TNR: variants seen among roughly 807,000 people sequenced by gnomAD.
The protein encoded by TNR is tenascin-R.
TNR carries 45 observed loss-of-function variants against 150.4 expected under a neutral mutation model. The ratio of observed to expected loss-of-function variants is 0.30; its 90% CI spans 0.24 to 0.38. The LOEUF is 0.38. TNR is among the 10% of genes least tolerant of loss of function. The probability of loss-of-function intolerance (pLI) is 1.00; values close to 1 mark genes in which losing one functional copy is unlikely to be tolerated. For missense variants in TNR, 1,544 were observed against 1,759.1 expected (o/e 0.88, Z 2.19); for synonymous variants, 687 against 678.4 (o/e 1.01, Z -0.20).
intron 16 of TNR, 136 bp downstream of exon 16, chr1:175,356,183 T>C: frequency 8.2e-7 from 1 of 1,214,448 alleles, no homozygotes; most frequent in African/African-American, 1.5e-5. Context: ...ATTTGGGCTG[T>C]AGTCAGTCCA....
Position 175,356,231 on chromosome 1 carries a change from T to A in TNR, c.3118+88A>T, listed in dbSNP as rs942756460. ...TCATAGCTGCCCTGTCCAAAGCCTGTAAGTGATAATCTAGTCCACCACAAG... is the reference window on the plus strand; with the variant it reads ...TCATAGCTGCCCTGTCCAAAGCCTGAAAGTGATAATCTAGTCCACCACAAG... On this transcript the variant is annotated intron_variant, in intron 16 of 22. Coordinates refer to ENST00000367674, the MANE Select transcript of TNR (RefSeq NM_003285.3). The A allele has an allele frequency of 5.6e-5, 87 of 1,546,446 alleles. 1 individual carries two copies. The Middle Eastern group carries it at 1.0e-3, about 18-fold the overall frequency.
chr1:175,633,332 G>A lies in TNR; in HGVS notation c.-164-104963C>T, dbSNP rs148453611. Among the ~76,000 whole-genome samples the A allele has an allele frequency of 1.7e-3, 253 of 152,036 alleles. 3 individuals are homozygous for A. The highest frequency in any genetic ancestry group is 5.9e-3 in the African/African-American group (246 of 41,458). ...TTTTTGTTTCCACTGCCCTTAGCAC[G>A]CAGAACTGAGGTATGGCTGGCCCCC... On this transcript the variant is annotated intron_variant, in intron 1 of 22. Transcript: ENST00000367674.
intron 1 of TNR, among the ~76,000 whole-genome samples, chr1:175,705,899 T>G (rs1571772399): frequency 6.6e-6 from 1 of 152,212 alleles, no homozygotes; most frequent in Non-Finnish European, 1.5e-5. Context: ...CAGCCTGTGA[T>G]TGTATTACTT....
intron 1 of TNR, among the ~76,000 whole-genome samples, chr1:175,723,050 A>G (rs889947905): frequency 6.6e-6 from 1 of 152,176 alleles, no homozygotes; most frequent in African/African-American, 2.4e-5. Context: ...TCGGCCTCCC[A>G]AAGTGCTGGG....
chr1:175,646,719 T>C (rs1202609831), intron 1 of TNR, among the ~76,000 whole-genome samples: 1 of 152,194 alleles, frequency 6.6e-6, no homozygotes, highest in Non-Finnish European at 1.5e-5. Context: ...ACGGCAGCAA[T>C]CAGTCAATGG....
chr1:175,485,117 C>T (rs1385250804), intron 2 of TNR, among the ~76,000 whole-genome samples: 1 of 152,082 alleles, frequency 6.6e-6, no homozygotes. Context: ...ATAGAAAATA[C>T]CCAGATGAAA....
intron 18 of TNR, among the ~76,000 whole-genome samples, chr1:175,345,791 A>G (rs1650751474): frequency 6.6e-6 from 1 of 152,202 alleles, no homozygotes. Context: ...TAAATGTCTC[A>G]GAATTAAAGA....
chr1:175,536,735 G>C (rs535273283), intron 1 of TNR, among the ~76,000 whole-genome samples: 1 of 152,316 alleles, frequency 6.6e-6, no homozygotes, highest in East Asian at 1.9e-4. Flanking sequence ...CAGAGTCTGG[G>C]CTGAGGTTTT....
chr1:175,446,224 C>G (rs1371395940), intron 2 of TNR, among the ~76,000 whole-genome samples: 1 of 152,168 alleles, frequency 6.6e-6, no homozygotes, highest in Non-Finnish European at 1.5e-5. Context: ...AGAATCACAG[C>G]TCAGCCACTC....
intron 2 of TNR, among the ~76,000 whole-genome samples, chr1:175,526,267 T>C (rs577108648): frequency 2.6e-5 from 4 of 151,876 alleles, no homozygotes; most frequent in African/African-American, 4.8e-5. Context: ...AATGGCTAAA[T>C]AATAGTTGCT....
intron 1 of TNR, among the ~76,000 whole-genome samples, chr1:175,670,829 C>T (rs957111847): frequency 2.0e-5 from 3 of 152,032 alleles, no homozygotes; most frequent in Admixed American, 6.6e-5. Context: ...ACGCTTATAC[C>T]CTGGACTAAA....
At chr1:175,742,108 G>A (rs930653158) in intron 1 of TNR, among the ~76,000 whole-genome samples, 16 of 152,194 alleles carry the variant, frequency 1.1e-4, no homozygotes, top group African/African-American at 3.9e-4. Flanking sequence ...GGCAGGGGCA[G>A]GCCTATAGTG....
intron 7 of TNR, 117 bp from the exon 8 acceptor site, chr1:175,386,418 T>A: frequency 9.3e-7 from 1 of 1,073,216 alleles, no homozygotes; most frequent in Non-Finnish European, 1.3e-6. Flanking sequence ...ATGGGTATTG[T>A]TACTGCATTT....
intron 2 of TNR, among the ~76,000 whole-genome samples, chr1:175,493,596 C>T (rs765180329): frequency 1.1e-4 from 17 of 152,390 alleles, no homozygotes; most frequent in Non-Finnish European, 2.1e-4. Flanking sequence ...CTCTGCCAGG[C>T]CCCCTTCCGG....
chr1:175,451,192 A>G (rs4652092), intron 2 of TNR, among the ~76,000 whole-genome samples: 57,251 of 149,304 alleles, frequency 0.38, 13,203 homozygotes, highest in African/African-American at 0.64. Flanking sequence ...GCCTGCTCAA[A>G]GCACCTGGTT....
intron 2 of TNR, among the ~76,000 whole-genome samples, chr1:175,496,012 T>C (rs1251529417): frequency 6.6e-6 from 1 of 152,230 alleles, no homozygotes; most frequent in Non-Finnish European, 1.5e-5. Context: ...TTCAACATCC[T>C]GCTGGCTGAT....
intron 1 of TNR, among the ~76,000 whole-genome samples, chr1:175,665,316 G>GT (rs1046416054): frequency 5.3e-5 from 8 of 152,266 alleles, no homozygotes; most frequent in African/African-American, 1.9e-4. Flanking sequence ...CTGTGAGCTG[G>GT]TTTTCCTCCA....
intron 15 of TNR, among the ~76,000 whole-genome samples, chr1:175,359,136 C>CTTCTTTT (rs1651466991): frequency 3.2e-5 from 1 of 30,964 alleles, no homozygotes; most frequent in Non-Finnish European, 7.7e-5. Flanking sequence ...TTGGGGATAT[C>CTTCTTTT]TTCTTTTTTT....
chr1:175,336,829 A>C (rs1263245750), intron 19 of TNR, among the ~76,000 whole-genome samples: 1 of 151,982 alleles, frequency 6.6e-6, no homozygotes, highest in African/African-American at 2.4e-5. Flanking sequence ...GCTTCTGATC[A>C]TCTCTCTGTG....
Sources: gnomAD v4.1 joint callset for allele counts (sites outside exome capture counted in the v4.1 genomes callset) on GRCh38, gnomAD v4.1.1 for gene constraint, MANE v1.5 for transcripts, NCBI Gene and HGNC (gene_info 2026-07-23, HGNC 2026-07-21) for gene names.